Variants in CNDP2 observed in about 807,000 individuals in gnomAD.
CNDP2 encodes the protein carnosine dipeptidase 2.
CNDP2 carries 38 observed loss-of-function variants against 55.0 expected under a neutral mutation model. The observed-to-expected ratio is 0.69, with a 90% CI of 0.53 to 0.90. CNDP2 has a LOEUF of 0.90. CNDP2 is among the 40% of genes least tolerant of loss of function. The pLI, the probability that CNDP2 is intolerant of heterozygous loss-of-function variation, is 0.00. For missense variants in CNDP2, 607 were observed against 621.7 expected, an observed-to-expected ratio of 0.98 and a Z score of 0.25; for synonymous variants, 241 against 260.2, an observed-to-expected ratio of 0.93 and a Z score of 0.71.
At position 74,499,928 on chromosome 18, in the gene CNDP2, C is replaced by T; in HGVS notation, c.-46C>T. ...GAGACAGGACTGACCAGTTGCTCTT[C>T]CTTCCAAGAACCTTCGAGATCTGCG... On this transcript the variant is annotated 5_prime_UTR_variant, in exon 2 of 12. Transcript: ENST00000324262. 6.3e-7 allele frequency: 1 copy of T among 1,587,150 alleles called. No homozygotes were observed. The highest frequency in any genetic ancestry group is 1.1e-5 in the South Asian group (1 of 90,420).
rs184424677 is a variant in CNDP2 at position 74,505,514 on chromosome 18, G to A, written c.205-335G>A. On this transcript the variant is annotated intron_variant, in intron 3 of 11. Coordinates refer to ENST00000324262, the MANE Select transcript of CNDP2 (RefSeq NM_018235.3). ...CTTGGGCGGTTGAGACCTAAGAATC[G>A]CTTGAGCCTGGGAGGCAGAGGTTGC... 5.0e-3 allele frequency among the ~76,000 whole-genome samples: 765 copies of A among 151,770 alleles called. 6 individuals are homozygous for A. The highest frequency in any genetic ancestry group is 4.9e-3 in the Non-Finnish European group (335 of 67,946).
rs1312154067 is a variant in CNDP2, at chr18:74,505,711, G to A, written c.205-138G>A. The stretch of plus-strand genomic sequence containing the variant: ...TCTTAATTAGTGACTCCATTGAACA[G>A]TGTGCTCTTAAACTCTACAATAGAG... On this transcript the variant is annotated intron_variant, in intron 3 of 11. Coordinates refer to ENST00000324262, the MANE Select transcript of CNDP2 (RefSeq NM_018235.3). The A allele has an allele frequency of 1.6e-5, 14 of 861,480 alleles. No homozygotes were observed. The Admixed American group carries it at 3.1e-4, about 19-fold the overall frequency. 53.4% of individuals were successfully genotyped at this position (861,480 alleles called of 1,614,324 possible). A position where few individuals can be genotyped will look rare whatever the true frequency, so the allele number is the denominator to read the frequency against.
intron 2 of CNDP2, 90 bp from the exon 3 acceptor site, chr18:74,501,239 G>C (rs1978676823): frequency 6.6e-7 from 1 of 1,519,386 alleles, no homozygotes; most frequent in African/African-American, 1.4e-5. Flanking sequence ...GCCACAGAGG[G>C]TGAGCCTGGA....
chr18:74,511,616 G>A (rs984444824), intron 6 of CNDP2, among the ~76,000 whole-genome samples: 2 of 151,876 alleles, frequency 1.3e-5, no homozygotes, highest in Non-Finnish European at 2.9e-5. Flanking sequence ...GCTGAGGAAG[G>A]AGAATCGCTT....
At chr18:74,513,926 C>T (rs1377201476) in intron 8 of CNDP2, 1 of 528,476 alleles carries the variant, frequency 1.9e-6, no homozygotes, top group East Asian at 3.5e-5. Context: ...TTGATTCCAT[C>T]AGACCTGGAG....
rs1352616280 is a variant in CNDP2, at chr18:74,522,746, G to T, written c.*2678G>T. On this transcript the variant is annotated 3_prime_UTR_variant, in exon 12 of 12. Transcript: ENST00000324262. Reference sequence around the variant, plus strand: ...TTGAGCCAATACATCTCTGCTCATTGTAAATTACCTAGTCTTGGGCATTGT... The same window carrying T: ...TTGAGCCAATACATCTCTGCTCATTTTAAATTACCTAGTCTTGGGCATTGT... 6.6e-6 allele frequency: 1 copy of T among 152,320 alleles called. No individual in the cohort carries two copies. The highest frequency in any genetic ancestry group is 2.4e-5 in the African/African-American group (1 of 41,468). The allele number at this position is 152,320 out of a possible 1,614,324, so 9.4% of individuals were successfully genotyped here. A position where few individuals can be genotyped will look rare whatever the true frequency, so the allele number is the denominator to read the frequency against.
intron 9 of CNDP2, chr18:74,517,052 TC>T: frequency 6.6e-6 from 1 of 151,802 alleles, no homozygotes; most frequent in Non-Finnish European, 1.5e-5. Flanking sequence ...GGCGGATGAG[TC>T]CAGGACCAAG....
chr18:74,498,195 G>T (rs1043254684), intron 1 of CNDP2, among the ~76,000 whole-genome samples: 2 of 152,114 alleles, frequency 1.3e-5, no homozygotes, highest in Non-Finnish European at 2.9e-5. Context: ...ATTGTTAGGC[G>T]ATTCGTTGTT....
intron 4 of CNDP2, chr18:74,508,459 G>A (rs1157300522): frequency 5.6e-6 from 1 of 180,180 alleles, no homozygotes; most frequent in East Asian, 1.4e-4. Context: ...CTAAGTGACT[G>A]GGCTTCCTGT....
chr18:74,508,756 G>T, intron 4 of CNDP2, 84 bp from the exon 5 acceptor site: 1 of 1,075,422 alleles, frequency 9.3e-7, no homozygotes, highest in East Asian at 2.4e-5. Context: ...CTTGGCTAAG[G>T]GGTTATCAGA....
At chr18:74,508,602 C>CCA (rs763153094) in intron 4 of CNDP2, 48 of 475,486 alleles carry the variant, frequency 1.0e-4, no homozygotes, top group Non-Finnish European at 1.6e-4. Context: ...ACCACCGTGA[C>CCA]CACGGTGGGA....
intron 8 of CNDP2, among the ~76,000 whole-genome samples, chr18:74,515,378 G>A (rs1448946001): frequency 1.3e-5 from 2 of 152,164 alleles, no homozygotes; most frequent in African/African-American, 4.8e-5. Context: ...TGATGTCAGG[G>A]ACCGAGGGGT....
chr18:74,497,044 C>G (rs2144563400), intron 1 of CNDP2, among the ~76,000 whole-genome samples: 1 of 152,234 alleles, frequency 6.6e-6, no homozygotes, highest in Non-Finnish European at 1.5e-5. Flanking sequence ...GGGCAGGTGT[C>G]TTATTCAATT....
chr18:74,510,143 G>A (rs1277182128), intron 5 of CNDP2, among the ~76,000 whole-genome samples: 1 of 152,220 alleles, frequency 6.6e-6, no homozygotes, highest in African/African-American at 2.4e-5. Flanking sequence ...GTGACGGGCA[G>A]AAGAGGAGGA....
intron 3 of CNDP2, among the ~76,000 whole-genome samples, chr18:74,505,443 C>G (rs991730601): frequency 6.6e-6 from 1 of 151,940 alleles, no homozygotes; most frequent in Non-Finnish European, 1.5e-5. Flanking sequence ...TACTAAAATA[C>G]AAAAAATTAA....
chr18:74,502,391 A>G (rs1330809273), intron 3 of CNDP2, among the ~76,000 whole-genome samples: 1 of 152,032 alleles, frequency 6.6e-6, no homozygotes, highest in African/African-American at 2.4e-5. Context: ...TTAAAGTCAC[A>G]GTTTCTAAAA....
intron 3 of CNDP2, among the ~76,000 whole-genome samples, chr18:74,501,896 T>C (rs1978724471): frequency 6.6e-6 from 1 of 152,014 alleles, no homozygotes. Context: ...TATTTTTTTA[T>C]TTTTTTTATT....
At chr18:74,502,914 G>A (rs1978791149) in intron 3 of CNDP2, among the ~76,000 whole-genome samples, 1 of 152,128 alleles carries the variant, frequency 6.6e-6, no homozygotes, top group Non-Finnish European at 1.5e-5. Context: ...GATTCCCCAG[G>A]CAGTGCTATT....
Position 74,512,481 on chromosome 18 carries a change from G to C in CNDP2, c.691G>C (p.Val231Leu). The C allele has an allele frequency of 3.1e-6, 5 of 1,614,040 alleles. No homozygotes were observed. Among genetic ancestry groups the C allele is most frequent in the Non-Finnish European group, 4.2e-6 (5 of 1,179,954 alleles). Reference protein sequence around the residue: ...ECSNKDLHSGVYGGSVHEAMT... With the variant: ...ECSNKDLHSGLYGGSVHEAMT... Reference sequence around the variant, plus strand: ...CAGCAACAAAGACCTCCATTCTGGGGTGTACGGGGGCTCGGTGCATGAGGC... The same window carrying C: ...CAGCAACAAAGACCTCCATTCTGGGCTGTACGGGGGCTCGGTGCATGAGGC... The change falls in exon 7 of 12, where the codon GTG becomes CTG. Residue 231 changes from valine (V) to leucine (L), a missense_variant. Transcript: ENST00000324262.
Sources: gnomAD v4.1 joint callset for allele counts (sites outside exome capture counted in the v4.1 genomes callset) on GRCh38, gnomAD v4.1.1 for gene constraint, MANE v1.5 for transcripts, NCBI Gene and HGNC (gene_info 2026-07-23, HGNC 2026-07-21) for gene names.